Variants in SYNPR observed in about 807,000 individuals in gnomAD.
SYNPR encodes synaptoporin.
In SYNPR, 23 loss-of-function variants were observed where a neutral mutation model predicts 32.9. That is an observed-to-expected ratio of 0.70 (90% CI 0.50 to 0.99). SYNPR has a LOEUF of 0.99. Ranked by LOEUF, SYNPR falls within the 50% of genes least tolerant of loss-of-function variation. SYNPR has a pLI of 0.00. For synonymous variants in SYNPR, 146 were observed against 135.9 expected (o/e 1.07, Z -0.52); for missense variants, 318 against 349.3 (o/e 0.91, Z 0.71).
At chr3:63,222,011 ATTTTTTTTT>A in the SYNPR span, among the ~76,000 whole-genome samples, 1,906 of 56,474 alleles carry the variant, frequency 0.034, 141 homozygotes, top group African/African-American at 0.1. Context: ...GCCATGCTCA[ATTTTTTTTT>A]TTTTTTTTTT....
At chr3:63,555,740 GTC>G (rs1702585247) in intron 3 of SYNPR, among the ~76,000 whole-genome samples, 2 of 152,086 alleles carry the variant, frequency 1.3e-5, no homozygotes, top group Admixed American at 6.5e-5. Flanking sequence ...CCTAAAAAAT[GTC>G]AGGTGTTTGG....
chr3:63,273,043 C>T (rs1255103838), intron 3 of SYNPR, among the ~76,000 whole-genome samples: 1 of 152,066 alleles, frequency 6.6e-6, no homozygotes, highest in Non-Finnish European at 1.5e-5. Context: ...ATAAAAATTA[C>T]AATGATTGAG....
chr3:63,474,288 C>A (rs1234775909), intron 2 of SYNPR, among the ~76,000 whole-genome samples: 2 of 152,180 alleles, frequency 1.3e-5, no homozygotes, highest in East Asian at 3.9e-4. Flanking sequence ...CACACGTATG[C>A]TAGCTGTGAA....
chr3:63,594,085 T>C (rs1362959316), intron 4 of SYNPR, among the ~76,000 whole-genome samples: 2 of 152,206 alleles, frequency 1.3e-5, no homozygotes, highest in Non-Finnish European at 2.9e-5. Context: ...TTTTCCTTCT[T>C]CATTTGTAAA....
At chr3:63,489,676 C>T (rs6785410) in intron 3 of SYNPR, among the ~76,000 whole-genome samples, 65,605 of 151,770 alleles carry the variant, frequency 0.43, 14,205 homozygotes, top group East Asian at 0.5. Context: ...TAGTTGGAGA[C>T]GGGAGAAAGA....
Position 63,278,514 on chromosome 3 carries a change from A to G in SYNPR, c.-20A>G. On this transcript the variant is annotated 5_prime_UTR_variant, in exon 1 of 6. Transcript: ENST00000478300. The stretch of plus-strand genomic sequence containing the variant: ...TTTTAAAAAGAACTGGTGGATGAGA[A>G]GAGCGAGCGAGGGCGAGCTATGGAC... 6.5e-7 allele frequency: 1 copy of G among 1,546,884 alleles called. No homozygotes were observed. Among genetic ancestry groups the G allele is most frequent in the Non-Finnish European group, 8.7e-7 (1 of 1,144,246 alleles).
chr3:63,308,990 T>G (rs1387018388), intron 2 of SYNPR, among the ~76,000 whole-genome samples: 2 of 151,996 alleles, frequency 1.3e-5, no homozygotes, highest in East Asian at 3.9e-4. Flanking sequence ...TAATTAGGCT[T>G]CTTGAATTGG....
At chr3:63,217,873 C>T in the SYNPR span, among the ~76,000 whole-genome samples, 1 of 151,978 alleles carries the variant, frequency 6.6e-6, no homozygotes, top group Non-Finnish European at 1.5e-5. Flanking sequence ...GTATTTGGGC[C>T]CACTTAAGAG....
At chr3:63,553,147 G>T (rs182454256) in intron 3 of SYNPR, among the ~76,000 whole-genome samples, 162 of 152,168 alleles carry the variant, frequency 1.1e-3, no homozygotes, top group African/African-American at 3.9e-3. Context: ...ACGTCTGTGT[G>T]TGCTTCATGT....
chr3:63,534,799 G>T (rs985367), intron 3 of SYNPR, among the ~76,000 whole-genome samples: 33,228 of 151,918 alleles, frequency 0.22, 3,693 homozygotes, highest in East Asian at 0.32. Context: ...AGTTGGAGAA[G>T]GTCAGGCTCT....
At chr3:63,439,741 T>C (rs1176693514) in intron 2 of SYNPR, among the ~76,000 whole-genome samples, 1 of 152,236 alleles carries the variant, frequency 6.6e-6, no homozygotes, top group Non-Finnish European at 1.5e-5. Context: ...GAGGTAAAAA[T>C]AATCTGTATC....
chr3:63,247,428 C>T (rs913376104), intron 1 of SYNPR, among the ~76,000 whole-genome samples: 1 of 151,982 alleles, frequency 6.6e-6, no homozygotes, highest in African/African-American at 2.4e-5. Context: ...AAATTTTAGA[C>T]TTACTTCTGG....
chr3:63,507,640 A>T (rs1701615156), intron 3 of SYNPR, among the ~76,000 whole-genome samples: 1 of 152,218 alleles, frequency 6.6e-6, no homozygotes, highest in African/African-American at 2.4e-5. Context: ...TGGAGAAAGG[A>T]CATTATTAGG....
chr3:63,425,151 C>T (rs759017572), intron 2 of SYNPR, among the ~76,000 whole-genome samples: 3 of 152,000 alleles, frequency 2.0e-5, no homozygotes, highest in Admixed American at 6.6e-5. Flanking sequence ...AAAATGCTCA[C>T]GATATAAACA....
chr3:63,241,428 T>A (rs2106881037), intron 1 of SYNPR, among the ~76,000 whole-genome samples: 1 of 152,234 alleles, frequency 6.6e-6, no homozygotes, highest in South Asian at 2.1e-4. Context: ...GAGACTAATT[T>A]GATCTTTGCC....
At chr3:63,445,689 T>G in intron 2 of SYNPR, 1 of 541,048 alleles carries the variant, frequency 1.8e-6, no homozygotes, top group Non-Finnish European at 3.3e-6. Context: ...ATTTTACAGA[T>G]GAGAAAATGG....
chr3:63,584,288 G>A (rs1277247447), intron 4 of SYNPR, among the ~76,000 whole-genome samples: 1 of 152,064 alleles, frequency 6.6e-6, no homozygotes, highest in Non-Finnish European at 1.5e-5. Flanking sequence ...TGGTAGATGT[G>A]GAAAGCATAT....
intron 2 of SYNPR, among the ~76,000 whole-genome samples, chr3:63,299,335 G>GTCT (rs2086820479): frequency 6.6e-6 from 1 of 151,992 alleles, no homozygotes; most frequent in South Asian, 2.1e-4. Context: ...TACTCTTTTT[G>GTCT]TCTCTGCCCA....
rs557613784 is a variant in SYNPR at position 63,514,747 on chromosome 3, T to C, written c.209+33791T>C. On this transcript the variant is annotated intron_variant, in intron 3 of 5. Transcript: ENST00000478300. The stretch of plus-strand genomic sequence containing the variant: ...CAGGTTCTGAAATTAGCATTTTGTA[T>C]TTTAGCTTTTTCTCCAAGCTCTTAA... 1.6e-3 allele frequency among the ~76,000 whole-genome samples: 242 copies of C among 152,264 alleles called. 1 individual carries two copies. The highest frequency in any genetic ancestry group is 3.8e-3 in the Admixed American group (58 of 15,286).
Sources: allele counts gnomAD v4.1 joint callset (sites outside exome capture counted in the v4.1 genomes callset), GRCh38; gene constraint gnomAD v4.1.1; transcripts MANE v1.5; gene names NCBI Gene and HGNC (gene_info 2026-07-23, HGNC 2026-07-21).